The following CCSER1 variants were observed in gnomAD, a reference collection of about 807,000 sequenced individuals.
The protein encoded by CCSER1 is coiled-coil serine rich protein 1.
A neutral mutation model predicts 82.0 loss-of-function variants in CCSER1; 41 were observed. That is an observed-to-expected ratio of 0.50 (90% CI 0.39 to 0.65). CCSER1 has a LOEUF of 0.65. Ranked by LOEUF, CCSER1 falls within the 30% of genes least tolerant of loss-of-function variation. The pLI is 0.00. For synonymous variants in CCSER1, 414 were observed against 383.9 expected (o/e 1.08, Z -0.92); for missense variants, 1,119 against 1,064.2 (o/e 1.05, Z -0.72).
intron 8 of CCSER1, among the ~76,000 whole-genome samples, chr4:90,845,044 T>C (rs946692323): frequency 2.0e-5 from 3 of 152,066 alleles, no homozygotes; most frequent in Non-Finnish European, 4.4e-5. Flanking sequence ...TTTGAGACAA[T>C]ATCTGGCACA....
At chr4:91,091,998 G>A (rs1279355033) in intron 10 of CCSER1, among the ~76,000 whole-genome samples, 1 of 152,154 alleles carries the variant, frequency 6.6e-6, no homozygotes, top group Non-Finnish European at 1.5e-5. Flanking sequence ...TCGCGGTATA[G>A]GAGGAGGCCT....
intron 10 of CCSER1, among the ~76,000 whole-genome samples, chr4:91,450,949 T>C (rs1216987946): frequency 6.6e-6 from 1 of 151,996 alleles, no homozygotes; most frequent in Non-Finnish European, 1.5e-5. Flanking sequence ...TCTTAGTCTG[T>C]TAGGGATACT....
intron 10 of CCSER1, among the ~76,000 whole-genome samples, chr4:91,526,520 A>G (rs1225742516): frequency 6.6e-6 from 1 of 152,224 alleles, no homozygotes; most frequent in Non-Finnish European, 1.5e-5. Context: ...TATTTGGCTC[A>G]GAATAAATCT....
chr4:91,303,402 T>C (rs931257805), intron 10 of CCSER1, among the ~76,000 whole-genome samples: 5 of 152,042 alleles, frequency 3.3e-5, no homozygotes, highest in African/African-American at 9.7e-5. Context: ...GATGGAATAC[T>C]GGAACATAGG....
intron 8 of CCSER1, among the ~76,000 whole-genome samples, chr4:90,818,381 G>A (rs723781): frequency 0.19 from 29,211 of 151,016 alleles, 3,521 homozygotes; most frequent in South Asian, 0.29. Context: ...GGGTTCAAGC[G>A]ATTCTCTTGC....
chr4:91,163,035 T>A (rs1731609827), intron 10 of CCSER1, among the ~76,000 whole-genome samples: 1 of 152,240 alleles, frequency 6.6e-6, no homozygotes, highest in African/African-American at 2.4e-5. Context: ...GGCTGTCAAT[T>A]TTACATATTC....
At chr4:90,140,240 C>A (rs188351645) in intron 1 of CCSER1, among the ~76,000 whole-genome samples, 3 of 152,118 alleles carry the variant, frequency 2.0e-5, no homozygotes, top group Admixed American at 1.3e-4. Context: ...AGCATGTGTG[C>A]GCAAAATTTA....
chr4:90,910,921 C>T (rs1296974376), intron 8 of CCSER1, among the ~76,000 whole-genome samples: 1 of 152,154 alleles, frequency 6.6e-6, no homozygotes, highest in Non-Finnish European at 1.5e-5. Context: ...AATGAAGGCT[C>T]ACAGAATGTA....
intron 7 of CCSER1, among the ~76,000 whole-genome samples, chr4:90,799,695 C>G (rs950503328): frequency 3.3e-5 from 5 of 152,160 alleles, no homozygotes; most frequent in Non-Finnish European, 5.9e-5. Flanking sequence ...CCATGACTAA[C>G]GTCTCCTATG....
chr4:90,253,641 A>T (rs1219390617), intron 1 of CCSER1, among the ~76,000 whole-genome samples: 1 of 151,960 alleles, frequency 6.6e-6, no homozygotes, highest in African/African-American at 2.4e-5. Flanking sequence ...GTTGTTGTTC[A>T]CTTGTTTATC....
chr4:91,256,804 A>G (rs1740725040), intron 10 of CCSER1, among the ~76,000 whole-genome samples: 1 of 152,182 alleles, frequency 6.6e-6, no homozygotes, highest in African/African-American at 2.4e-5. Context: ...ATGTTAAGTA[A>G]CATTATAATG....
intron 5 of CCSER1, among the ~76,000 whole-genome samples, chr4:90,620,716 A>G (rs1296708204): frequency 6.6e-6 from 1 of 152,342 alleles, no homozygotes; most frequent in South Asian, 2.1e-4. Context: ...CAGTAAAAAC[A>G]AAAAACCCAA....
chr4:90,257,286 C>A (rs1437200423), intron 1 of CCSER1, among the ~76,000 whole-genome samples: 1 of 151,850 alleles, frequency 6.6e-6, no homozygotes, highest in East Asian at 1.9e-4. Flanking sequence ...TACTATTCAT[C>A]AAAAATGAGT....
chr4:91,014,331 T>C (rs994413798), intron 9 of CCSER1, among the ~76,000 whole-genome samples: 1 of 134,514 alleles, frequency 7.4e-6, no homozygotes, highest in African/African-American at 2.5e-5. Flanking sequence ...TTCTGATTGG[T>C]TTGTTAAAAG....
intron 9 of CCSER1, among the ~76,000 whole-genome samples, chr4:91,044,125 A>C (rs544208584): frequency 6.6e-6 from 1 of 152,276 alleles, no homozygotes; most frequent in South Asian, 2.1e-4. Context: ...TCTGGGCAAA[A>C]ATGAAACTAT....
chr4:90,276,267 C>CT (rs1727722459), intron 1 of CCSER1, among the ~76,000 whole-genome samples: 1 of 106,172 alleles, frequency 9.4e-6, no homozygotes, highest in African/African-American at 3.9e-5. Context: ...TCCTTCCTTC[C>CT]TTCCTTCCTT....
intron 4 of CCSER1, among the ~76,000 whole-genome samples, chr4:90,432,184 A>C (rs926336008): frequency 3.3e-5 from 5 of 152,156 alleles, no homozygotes; most frequent in African/African-American, 1.2e-4. Flanking sequence ...TATAACCTTA[A>C]AAATAATGAC....
chr4:90,143,766 C>T (rs1197872018), intron 1 of CCSER1, among the ~76,000 whole-genome samples: 1 of 151,414 alleles, frequency 6.6e-6, no homozygotes, highest in Non-Finnish European at 1.5e-5. Context: ...CTCACTGCAG[C>T]CTTGAACTCC....
chr4:91,103,098 G>T (rs1725244153), intron 10 of CCSER1, among the ~76,000 whole-genome samples: 1 of 152,116 alleles, frequency 6.6e-6, no homozygotes, highest in Non-Finnish European at 1.5e-5. Flanking sequence ...GAAAAACACT[G>T]CTCTTCTCTG....
Sources: allele counts gnomAD v4.1 joint callset (sites outside exome capture counted in the v4.1 genomes callset), GRCh38; gene constraint gnomAD v4.1.1; transcripts MANE v1.5; gene names NCBI Gene and HGNC (gene_info 2026-07-23, HGNC 2026-07-21).